The following JMJD1C variants were observed in gnomAD, a reference collection of about 807,000 sequenced individuals.
The protein encoded by JMJD1C is jumonji domain containing 1C.
Under a neutral mutation model 245.3 loss-of-function variants are expected in JMJD1C, and 31 were observed. The observed-to-expected ratio is 0.13, with a 90% CI of 0.09 to 0.17. The LOEUF is 0.17. Ranked by LOEUF, JMJD1C falls within the 10% of genes least tolerant of loss-of-function variation. JMJD1C has a pLI of 1.00. For missense variants in JMJD1C, 2,691 were observed against 3,000.2 expected (o/e 0.90, Z 2.41); for synonymous variants, 1,057 against 1,017.4 (o/e 1.04, Z -0.74).
chr10:63,401,730 A>C (rs998641173), intron 1 of JMJD1C, among the ~76,000 whole-genome samples: 2 of 152,160 alleles, frequency 1.3e-5, no homozygotes, highest in African/African-American at 2.4e-5. Flanking sequence ...CCCCACTAAA[A>C]TTCGTATGTG....
chr10:63,398,649 T>TAAAA (rs1564878264), intron 1 of JMJD1C, among the ~76,000 whole-genome samples: 10 of 141,514 alleles, frequency 7.1e-5, no homozygotes, highest in Admixed American at 2.1e-4. Context: ...AAAAAAATTT[T>TAAAA]TTTTTTTTTT....
chr10:63,426,797 GTCTTAC>G (rs1307505983), intron 1 of JMJD1C, among the ~76,000 whole-genome samples: 1 of 152,072 alleles, frequency 6.6e-6, no homozygotes, highest in African/African-American at 2.4e-5. Context: ...AGTTTTAGAA[GTCTTAC>G]TCTGAGTATC....
rs150548226 is a variant in JMJD1C, at chr10:63,381,983, G to A, written c.169-1501C>T. On this transcript the variant is annotated intron_variant, in intron 1 of 25. Transcript: ENST00000399262. ...TTCCAGCACTTTGGGAAGCTAAGGCGGGTGGATCACCTGAGGTCAGGAGTT... is the reference window on the plus strand; with the variant it reads ...TTCCAGCACTTTGGGAAGCTAAGGCAGGTGGATCACCTGAGGTCAGGAGTT... Among the ~76,000 whole-genome samples, 349 of 152,250 alleles carry A rather than the reference G, an allele frequency of 2.3e-3. 2 individuals are homozygous for A. The highest frequency in any genetic ancestry group is 7.7e-3 in the African/African-American group (321 of 41,548).
Position 63,391,467 on chromosome 10 carries a change from G to A in JMJD1C, c.169-10985C>T, listed in dbSNP as rs1350397861. Among the ~76,000 whole-genome samples, 10 of 152,062 alleles carry A rather than the reference G, an allele frequency of 6.6e-5. 1 individual carries two copies. Among genetic ancestry groups the A allele is most frequent in the East Asian group, 1.9e-4 (1 of 5,172 alleles). ...AGAGCTTGCAGTGAGCCATGATTGC[G>A]CCACTGCACTCCAGTCTGGGCGACA... On this transcript the variant is annotated intron_variant, in intron 1 of 25. Coordinates refer to ENST00000399262, the MANE Select transcript of JMJD1C (RefSeq NM_032776.3).
intron 2 of JMJD1C, among the ~76,000 whole-genome samples, chr10:63,361,394 G>A (rs1169705148): frequency 1.3e-5 from 2 of 152,126 alleles, no homozygotes; most frequent in Non-Finnish European, 2.9e-5. Context: ...TTGCACTCCA[G>A]TCTGGACAAA....
intron 1 of JMJD1C, among the ~76,000 whole-genome samples, chr10:63,441,072 G>A (rs960011662): frequency 1.3e-5 from 2 of 152,148 alleles, no homozygotes; most frequent in Admixed American, 6.6e-5. Flanking sequence ...CACAGAGTAG[G>A]TGTAAAGGCA....
chr10:63,342,467 TAG>T (rs1238957390), intron 2 of JMJD1C, among the ~76,000 whole-genome samples: 1 of 152,212 alleles, frequency 6.6e-6, no homozygotes, highest in African/African-American at 2.4e-5. Flanking sequence ...TCCTCATCAC[TAG>T]AGGACCCACT....
intron 2 of JMJD1C, among the ~76,000 whole-genome samples, chr10:63,269,513 CAT>C (rs747213936): frequency 9.2e-5 from 14 of 152,170 alleles, no homozygotes; most frequent in African/African-American, 1.4e-4. Flanking sequence ...AAAGAAATAA[CAT>C]GTGACTATCT....
chr10:63,453,294 T>C (rs774472556), intron 1 of JMJD1C, among the ~76,000 whole-genome samples: 48 of 152,026 alleles, frequency 3.2e-4, no homozygotes, highest in African/African-American at 1.1e-3. Flanking sequence ...AAAACAAAAA[T>C]AGTTAAAATT....
At chr10:63,344,412 C>T (rs1185143942) in intron 2 of JMJD1C, among the ~76,000 whole-genome samples, 1 of 152,106 alleles carries the variant, frequency 6.6e-6, no homozygotes, top group Non-Finnish European at 1.5e-5. Flanking sequence ...TGTAAGAACA[C>T]TCTGTGGTGT....
At chr10:63,465,079 T>C (rs1398698017) in intron 1 of JMJD1C, 4 of 204,890 alleles carry the variant, frequency 2.0e-5, no homozygotes, top group Non-Finnish European at 3.9e-5. Context: ...TATGAAGACT[T>C]TTCCAAGAAA....
At chr10:63,231,271 GA>G (rs745640343) in intron 3 of JMJD1C, among the ~76,000 whole-genome samples, 6 of 152,178 alleles carry the variant, frequency 3.9e-5, no homozygotes, top group Non-Finnish European at 7.3e-5. Context: ...AATAAGATGG[GA>G]AAACTGTCAG....
intron 1 of JMJD1C, among the ~76,000 whole-genome samples, chr10:63,484,236 G>GGATGGATAGATA (rs1416097314): frequency 2.8e-4 from 26 of 92,628 alleles, no homozygotes; most frequent in African/African-American, 8.1e-4. Flanking sequence ...ATGGATGGAT[G>GGATGGATAGATA]GATAGATAGA....
At chr10:63,197,708 A>T in intron 12 of JMJD1C, 145 bp from the exon 13 acceptor site, 1 of 614,940 alleles carries the variant, frequency 1.6e-6, no homozygotes, top group Non-Finnish European at 2.6e-6. Context: ...AGCTTTCTTG[A>T]AGTAATTTGT....
chr10:63,279,107 C>T (rs936108265), intron 2 of JMJD1C, among the ~76,000 whole-genome samples: 8 of 150,550 alleles, frequency 5.3e-5, no homozygotes, highest in Non-Finnish European at 7.4e-5. Flanking sequence ...AAAAATTCTC[C>T]GGTGTGTTGG....
At chr10:63,180,031 ACT>A (rs1198784587) in intron 22 of JMJD1C, among the ~76,000 whole-genome samples, 2 of 152,134 alleles carry the variant, frequency 1.3e-5, no homozygotes, top group African/African-American at 4.8e-5. Flanking sequence ...ACACAGTCTC[ACT>A]CTGTCGCCCA....
Position 63,465,806 on chromosome 10 carries a change from C to G in JMJD1C, c.-144G>C. On this transcript the variant is annotated 5_prime_UTR_variant, in exon 1 of 26. Transcript: ENST00000399262. ...GAGCGCAGACTCGGGACGAACCGGCCGCTCTGCCCCGGACACAGCGACCTC... is the reference window on the plus strand; with the variant it reads ...GAGCGCAGACTCGGGACGAACCGGCGGCTCTGCCCCGGACACAGCGACCTC... 1.1e-6 allele frequency: 1 copy of G among 947,786 alleles called. No homozygotes were observed. The highest frequency in any genetic ancestry group is 1.6e-6 in the Non-Finnish European group (1 of 608,776). 58.7% of individuals were successfully genotyped at this position (947,786 alleles called of 1,614,324 possible).
At chr10:63,301,659 G>T in intron 2 of JMJD1C, 1 of 388,808 alleles carries the variant, frequency 2.6e-6, no homozygotes, top group Non-Finnish European at 5.1e-6. Flanking sequence ...GGGCCTGTCC[G>T]GGGCCTGACA....
intron 2 of JMJD1C, among the ~76,000 whole-genome samples, chr10:63,274,113 A>G (rs1180603633): frequency 1.3e-5 from 2 of 152,226 alleles, no homozygotes; most frequent in Admixed American, 1.3e-4. Context: ...GGTGGAAAAA[A>G]AGATGAACAA....
Sources: allele counts gnomAD v4.1 joint callset (sites outside exome capture counted in the v4.1 genomes callset), GRCh38; gene constraint gnomAD v4.1.1; transcripts MANE v1.5; gene names NCBI Gene and HGNC (gene_info 2026-07-23, HGNC 2026-07-21).